Variants in NPSR1 observed in about 807,000 individuals in gnomAD.
NPSR1 encodes the protein neuropeptide S receptor.
A neutral mutation model predicts 46.9 loss-of-function variants in NPSR1; 48 were observed. The observed-to-expected ratio is 1.02, with a 90% CI of 0.81 to 1.30. NPSR1 has a LOEUF of 1.30. Among genes scored for constraint, NPSR1 ranks in the 50% most tolerant of loss-of-function variants. NPSR1 has a pLI of 0.00. For missense variants in NPSR1, 450 were observed against 449.5 expected, an observed-to-expected ratio of 1.00 and a Z score of -0.01; for synonymous variants, 176 against 168.1, an observed-to-expected ratio of 1.05 and a Z score of -0.36.
chr7:34,733,467 A>T (rs1294851539), intron 2 of NPSR1, among the ~76,000 whole-genome samples: 1 of 152,046 alleles, frequency 6.6e-6, no homozygotes, highest in Non-Finnish European at 1.5e-5. Context: ...ATCCTTGCAG[A>T]GCAAAAGTAC....
At chr7:34,811,620 T>A (rs1487717607) in intron 3 of NPSR1, 150 bp from the exon 4 acceptor site, 1 of 547,070 alleles carries the variant, frequency 1.8e-6, no homozygotes, top group African/African-American at 2.0e-5. Context: ...CTTGTCCATG[T>A]AAGAGAGTTA....
intron 6 of NPSR1, among the ~76,000 whole-genome samples, chr7:34,838,227 A>T (rs1790441399): frequency 6.6e-6 from 1 of 152,044 alleles, no homozygotes; most frequent in Non-Finnish European, 1.5e-5. Flanking sequence ...GGCTCCCCTG[A>T]CTTCCAGTCC....
At chr7:34,720,747 G>T (rs1783814089) in intron 2 of NPSR1, among the ~76,000 whole-genome samples, 1 of 152,132 alleles carries the variant, frequency 6.6e-6, no homozygotes, top group African/African-American at 2.4e-5. Context: ...GCTTTGACCT[G>T]CCTCCAGATG....
chr7:34,671,576 G>A (rs150728043), intron 1 of NPSR1, among the ~76,000 whole-genome samples: 112 of 152,228 alleles, frequency 7.4e-4, no homozygotes, highest in African/African-American at 2.6e-3. Flanking sequence ...GAAAACCAAG[G>A]CAGATGACTG....
chr7:34,756,102 C>T (rs760775735), intron 2 of NPSR1, among the ~76,000 whole-genome samples: 3 of 152,174 alleles, frequency 2.0e-5, no homozygotes, highest in Non-Finnish European at 4.4e-5. Context: ...GCCTGCTAGA[C>T]ATGGGGAGGA....
At chr7:34,667,658 A>G (rs1413527735) in intron 1 of NPSR1, among the ~76,000 whole-genome samples, 1 of 152,132 alleles carries the variant, frequency 6.6e-6, no homozygotes, top group Non-Finnish European at 1.5e-5. Context: ...TAAAGACAGG[A>G]GTAGGTGGTT....
At chr7:34,724,924 A>G (rs979588475) in intron 2 of NPSR1, among the ~76,000 whole-genome samples, 3 of 152,204 alleles carry the variant, frequency 2.0e-5, no homozygotes, top group African/African-American at 7.2e-5. Context: ...GTGATTAAAT[A>G]AAACCGCAAA....
At chr7:34,850,692 G>A (rs1007556204), downstream of NPSR1, among the ~76,000 whole-genome samples, 4 of 152,050 alleles carry the variant, frequency 2.6e-5, no homozygotes, top group East Asian at 5.8e-4. Context: ...GAGCCACCGC[G>A]CCCGGCCTGT....
intron 3 of NPSR1, among the ~76,000 whole-genome samples, chr7:34,791,016 ATATATGT>A (rs1161260874): frequency 3.5e-5 from 4 of 113,704 alleles, no homozygotes; most frequent in South Asian, 2.4e-4. Context: ...ATGTTATATT[ATATATGT>A]TATATGTTAT....
rs199758184 is a variant in NPSR1, at chr7:34,710,667, G to A, written c.280+25983G>A. On this transcript the variant is annotated intron_variant, in intron 2 of 8. Transcript: ENST00000360581. ...GAACAAAGACTTCATACAGGAGTAG[G>A]TTCATAAATACAAGCACAAGAGACC... 16 of 216,224 alleles carry A rather than the reference G, an allele frequency of 7.4e-5. No homozygotes were observed. In the East Asian group the frequency reaches 2.3e-3, roughly 31 times the overall value. The allele number at this position is 216,224 out of a possible 1,614,324, so 13.4% of individuals were successfully genotyped here. A position where few individuals can be genotyped will look rare whatever the true frequency, so the allele number is the denominator to read the frequency against.
chr7:34,702,361 T>A (rs184381590), intron 2 of NPSR1, among the ~76,000 whole-genome samples: 3 of 152,336 alleles, frequency 2.0e-5, no homozygotes, highest in African/African-American at 2.4e-5. Context: ...TTTATTATTA[T>A]TTTTTTAACC....
intron 3 of NPSR1, among the ~76,000 whole-genome samples, chr7:34,784,578 C>T (rs1442399674): frequency 7.2e-5 from 11 of 152,064 alleles, no homozygotes; most frequent in Admixed American, 2.0e-4. Context: ...CTGCTGGATT[C>T]GGTTTGCCAG....
intron 7 of NPSR1, among the ~76,000 whole-genome samples, chr7:34,846,044 G>A (rs943651315): frequency 6.6e-6 from 1 of 152,110 alleles, no homozygotes; most frequent in African/African-American, 2.4e-5. Context: ...TCAGCCAGCA[G>A]GACGTAGGCA....
At chr7:34,729,590 T>A (rs1348659547) in intron 2 of NPSR1, among the ~76,000 whole-genome samples, 1 of 152,148 alleles carries the variant, frequency 6.6e-6, no homozygotes. Context: ...AAAACAAGAT[T>A]GTTTTTGAAA....
intron 2 of NPSR1, among the ~76,000 whole-genome samples, chr7:34,696,527 A>G (rs1488940329): frequency 1.3e-5 from 2 of 152,118 alleles, no homozygotes; most frequent in Non-Finnish European, 1.5e-5. Flanking sequence ...AGAAAGGAAT[A>G]AAACAAAACA....
At chr7:34,717,516 G>A (rs1783640061) in intron 2 of NPSR1, among the ~76,000 whole-genome samples, 2 of 152,202 alleles carry the variant, frequency 1.3e-5, no homozygotes, top group South Asian at 4.1e-4. Flanking sequence ...AGGGGGAAAT[G>A]TAAGATGGTG....
At chr7:34,820,958 C>A (rs1251299769) in intron 4 of NPSR1, among the ~76,000 whole-genome samples, 1 of 152,016 alleles carries the variant, frequency 6.6e-6, no homozygotes. Context: ...TTGATGTTAA[C>A]GCTGGAGAGG....
At chr7:34,877,000 C>T (rs985465917) in intron 8 of NPSR1, among the ~76,000 whole-genome samples, 10 of 152,308 alleles carry the variant, frequency 6.6e-5, no homozygotes, top group East Asian at 1.9e-4. Flanking sequence ...CATACAGACA[C>T]ACAACCTGGG....
At chr7:34,662,674 G>A (rs538921074) in intron 1 of NPSR1, among the ~76,000 whole-genome samples, 7 of 152,130 alleles carry the variant, frequency 4.6e-5, no homozygotes, top group South Asian at 4.1e-4. Flanking sequence ...AGTTTTGCTC[G>A]GTTAAATCAT....
Sources: allele counts gnomAD v4.1 joint callset (sites outside exome capture counted in the v4.1 genomes callset), GRCh38; gene constraint gnomAD v4.1.1; transcripts MANE v1.5; gene names NCBI Gene and HGNC (gene_info 2026-07-23, HGNC 2026-07-21).